Variants in MAX observed in about 807,000 individuals in gnomAD.
MAX encodes MYC associated transcriptional regulator X.
MAX carries 3 observed loss-of-function variants against 22.3 expected under a neutral mutation model. The ratio of observed to expected loss-of-function variants is 0.13; its 90% confidence interval spans 0.06 to 0.35. The LOEUF (loss-of-function observed/expected upper bound fraction) is 0.35, where lower values mean the gene tolerates loss of function less well. MAX is among the 10% of genes least tolerant of loss of function. The probability of loss-of-function intolerance (pLI) is 1.00; values close to 1 mark genes in which losing one functional copy is unlikely to be tolerated. For synonymous variants in MAX, 72 were observed against 77.7 expected (o/e 0.93, Z 0.39); for missense variants, 119 against 209.4 (o/e 0.57, Z 2.66).
rs2062097004 is a variant in MAX, at chr14:65,032,015, T to TGTGTGTAC, written c.172-25732_172-25731insGTACACAC. On this transcript the variant is annotated intron_variant, in intron 3 of 3. Transcript: ENST00000341653. The surrounding 1 kb of genome is among the most constrained non-coding windows in gnomAD (Gnocchi z 5.0). ...GTGTGTGTGTGTGTGTGTGTGTGTG[T>TGTGTGTAC]GTGTACTGGTGAGAGGTTTGAAATC... Among the ~76,000 whole-genome samples, 1 of 149,746 alleles carries TGTGTGTAC rather than the reference T, an allele frequency of 6.7e-6. No individual in the cohort carries two copies. The highest frequency in any genetic ancestry group is 1.5e-5 in the Non-Finnish European group (1 of 66,956).
At chr14:65,043,918 G>A (rs1422810297) in intron 3 of MAX, among the ~76,000 whole-genome samples, 1 of 149,580 alleles carries the variant, frequency 6.7e-6, no homozygotes, top group African/African-American at 2.5e-5. Context: ...GAGCAGGGAA[G>A]TAATGAGAAA....
At position 65,075,461 on chromosome 14, in the gene MAX, G is replaced by T; in HGVS notation, c.*1015C>A. The T allele has an allele frequency of 9.4e-7, 1 of 1,064,208 alleles. No individual in the cohort carries two copies. Among genetic ancestry groups the T allele is most frequent in the Non-Finnish European group, 1.1e-6 (1 of 878,332 alleles). The allele number at this position is 1,064,208 out of a possible 1,614,324, so 65.9% of individuals were successfully genotyped here. The stretch of plus-strand genomic sequence containing the variant: ...GGGAAGGGTCCGCACTGGGGTGCGG[G>T]TTTAGTACCAGGTAAATTGCTCTTG... On this transcript the variant is annotated 3_prime_UTR_variant, in exon 5 of 5. Transcript: ENST00000358664. The surrounding 1 kb of genome is among the most constrained non-coding windows in gnomAD (Gnocchi z 4.1).
chr14:65,063,436 AGGGTAGGTAAAGTTAGTCT>A (rs1314022640), intron 3 of MAX, among the ~76,000 whole-genome samples: 2 of 152,188 alleles, frequency 1.3e-5, no homozygotes, highest in African/African-American at 4.8e-5. Flanking sequence ...TGGGCCCCAA[AGGGTAGGTAAAGTTAGTCT>A]GGGTAGAGAA....
chr14:65,042,812 C>T (rs759038893), intron 3 of MAX, among the ~76,000 whole-genome samples: 1 of 152,236 alleles, frequency 6.6e-6, no homozygotes, highest in Non-Finnish European at 1.5e-5. Flanking sequence ...ACTCCCACTG[C>T]AGCGCCTGCT....
At chr14:65,057,754 T>C (rs2062770121) in intron 3 of MAX, among the ~76,000 whole-genome samples, 1 of 152,236 alleles carries the variant, frequency 6.6e-6, no homozygotes, top group South Asian at 2.1e-4. Context: ...TTGGATATAA[T>C]GTTATCTTTT....
In MAX at chr14:65,011,432, A is replaced by G. The variant is rs77181653; in HGVS notation, c.172-5148T>C. Among the ~76,000 whole-genome samples, 2 of 92,442 alleles carry G rather than the reference A, an allele frequency of 2.2e-5. No individual in the cohort carries two copies. Among genetic ancestry groups the G allele is most frequent in the South Asian group, 3.8e-4 (1 of 2,640 alleles). The allele number at this position is 92,442 out of a possible 152,430, so 60.6% of individuals were successfully genotyped here. A position where few individuals can be genotyped will look rare whatever the true frequency, so the allele number is the denominator to read the frequency against. On this transcript the variant is annotated intron_variant, in intron 3 of 3. Coordinates refer to the MAX transcript ENST00000341653. This position sits in a 1 kb window ranked among gnomAD's most constrained non-coding sequence, Gnocchi z 4.0. ...TGACAGAGCGAGACTCCGTCTCAGG[A>G]AAAAAAAAAAAAAAAAAAAAGACTG...
At position 65,044,490 on chromosome 14, in the gene MAX, C is replaced by T. The variant is rs780923374; in HGVS notation, c.172-38206G>A. 12 of 1,572,058 alleles carry T rather than the reference C, an allele frequency of 7.6e-6. No homozygotes were observed. Among genetic ancestry groups the T allele is most frequent in the Admixed American group, 4.1e-5 (2 of 48,476 alleles). ...CTTGGGGCTGGATGATTTCCCTCCA[C>T]TACTCACAAAGTCTGGAAGCCCAGC... On this transcript the variant is annotated intron_variant, in intron 3 of 3. Transcript: ENST00000341653. The surrounding 1 kb of genome is among the most constrained non-coding windows in gnomAD (Gnocchi z 5.5).
At chr14:65,067,845 C>T (rs2062947452) in intron 3 of MAX, among the ~76,000 whole-genome samples, 1 of 147,672 alleles carries the variant, frequency 6.8e-6, no homozygotes, top group South Asian at 2.1e-4. Flanking sequence ...GTTGCCCAGG[C>T]TGGTCTTGAA....
chr14:65,013,325 C>CAT (rs1566869564), intron 3 of MAX, among the ~76,000 whole-genome samples: 1 of 146,750 alleles, frequency 6.8e-6, no homozygotes, highest in Non-Finnish European at 1.5e-5. Context: ...TCTTTGTTTC[C>CAT]TTTTTTTTTT....
chr14:65,089,620 A>G (rs2063439986), intron 3 of MAX, among the ~76,000 whole-genome samples: 1 of 151,850 alleles, frequency 6.6e-6, no homozygotes, highest in African/African-American at 2.4e-5. Context: ...TTATACTCCC[A>G]TGTAAAGGCT....
chr14:65,093,830 G>T lies in MAX; in HGVS notation c.64-15C>A. On this transcript the variant is annotated splice_polypyrimidine_tract_variant and intron_variant, in intron 2 of 4. Coordinates refer to ENST00000358664, the MANE Select transcript of MAX (RefSeq NM_002382.5). This position sits in a 1 kb window ranked among gnomAD's most constrained non-coding sequence, Gnocchi z 4.4. ...CGTTTGTCAGCCTAGAAGAATGGGA[G>T]AAAGAACACATTAGGAATGTCACTC... is the stretch of plus-strand genomic sequence containing the variant. 1.4e-6 allele frequency: 2 copies of T among 1,399,418 alleles called. No individual in the cohort carries two copies. Among genetic ancestry groups the T allele is most frequent in the Non-Finnish European group, 1.0e-6 (1 of 983,868 alleles). The allele number at this position is 1,399,418 out of a possible 1,614,324, so 86.7% of individuals were successfully genotyped here.
In MAX at chr14:65,054,642, G is replaced by A. The variant is rs772430731; in HGVS notation, c.171+39066C>T. 12 of 1,613,576 alleles carry A rather than the reference G, an allele frequency of 7.4e-6. No individual in the cohort carries two copies. The highest frequency in any genetic ancestry group is 4.5e-5 in the East Asian group (2 of 44,854). On this transcript the variant is annotated intron_variant, in intron 3 of 3. Transcript: ENST00000341653. This position sits in a 1 kb window ranked among gnomAD's most constrained non-coding sequence, Gnocchi z 4.4. ...GTCCATAGCCCAGCACTTCGGCAGCGGAGCCATGTTGCATGATGTGGTCCT... is the reference window on the plus strand; with the variant it reads ...GTCCATAGCCCAGCACTTCGGCAGCAGAGCCATGTTGCATGATGTGGTCCT...
chr14:65,072,620 T>G (rs1481122645), downstream of MAX, among the ~76,000 whole-genome samples: 1 of 152,130 alleles, frequency 6.6e-6, no homozygotes, highest in Non-Finnish European at 1.5e-5. Flanking sequence ...CACTTTAGAT[T>G]AGAGGGGTTA....
In MAX at chr14:65,027,643, C is replaced by T. The variant is rs760835006; in HGVS notation, c.172-21359G>A. ...GTGACAGAAACCTAGAGGAGTTCCC[C>T]GCCTGCTGACACGCACTGACTGTTG... On this transcript the variant is annotated intron_variant, in intron 3 of 3. Coordinates refer to the MAX transcript ENST00000341653. The surrounding 1 kb of genome is among the most constrained non-coding windows in gnomAD (Gnocchi z 5.7). The T allele has an allele frequency of 2.4e-5, 38 of 1,613,848 alleles. No homozygotes were observed. The Middle Eastern group carries it at 8.2e-4, about 35-fold the overall frequency.
chr14:65,061,603 A>G (rs563508908), intron 3 of MAX: 16 of 317,518 alleles, frequency 5.0e-5, no homozygotes, highest in Non-Finnish European at 6.7e-5. Flanking sequence ...CCAGCTCTCC[A>G]GCCAGGACGA....
At chr14:65,087,282 C>G (rs2063363104) in intron 3 of MAX, among the ~76,000 whole-genome samples, 1 of 152,208 alleles carries the variant, frequency 6.6e-6, no homozygotes, top group Non-Finnish European at 1.5e-5. Context: ...GGGGCCCTCT[C>G]TAGTGGAGCT....
intron 2 of MAX, among the ~76,000 whole-genome samples, chr14:65,099,050 C>T (rs35396985): frequency 6.6e-6 from 1 of 151,882 alleles, no homozygotes; most frequent in Non-Finnish European, 1.5e-5. Flanking sequence ...AACCTTTTTT[C>T]TAAGGCAAAA....
intron 3 of MAX, among the ~76,000 whole-genome samples, chr14:65,038,235 C>A (rs1381856026): frequency 1.3e-5 from 2 of 151,270 alleles, no homozygotes; most frequent in African/African-American, 2.4e-5. Flanking sequence ...ATAGTGAAAC[C>A]CAGCCTCTAC....
At chr14:65,013,175 G>T (rs1216223468) in intron 3 of MAX, among the ~76,000 whole-genome samples, 2 of 152,154 alleles carry the variant, frequency 1.3e-5, no homozygotes, top group Admixed American at 1.3e-4. Flanking sequence ...CAACTCAAAT[G>T]CCTGTAGGGC....
Sources: gnomAD v4.1 joint callset for allele counts (sites outside exome capture counted in the v4.1 genomes callset) on GRCh38, gnomAD v4.1.1 for gene constraint, Gnocchi (gnomAD v3.1) non-coding constraint, MANE v1.5 for transcripts, NCBI Gene and HGNC (gene_info 2026-07-23, HGNC 2026-07-21) for gene names.